DCLRE1A: variants seen among roughly 807,000 people sequenced by gnomAD.
DCLRE1A encodes the protein DNA cross-link repair 1A.
In DCLRE1A, 64 loss-of-function variants were observed where a neutral mutation model predicts 91.9. The observed-to-expected ratio is 0.70, with a 90% CI of 0.57 to 0.86. DCLRE1A has a LOEUF of 0.86. Among genes scored for constraint, DCLRE1A ranks in the 40% least tolerant of loss-of-function variants. The pLI is 0.00. For missense variants in DCLRE1A, 1,145 were observed against 1,213.3 expected (o/e 0.94, Z 0.84); for synonymous variants, 416 against 431.1 (o/e 0.96, Z 0.43).
chr10:113,849,831 G>C lies in DCLRE1A; in HGVS notation c.1274C>G (p.Ala425Gly). 6.2e-7 allele frequency: 1 copy of C among 1,614,024 alleles called. No individual in the cohort carries two copies. Among genetic ancestry groups the C allele is most frequent in the Non-Finnish European group, 8.5e-7 (1 of 1,180,014 alleles). The change falls in exon 2 of 9, where the codon GCA becomes GGA. Residue 425 changes from alanine (A) to glycine (G), a missense_variant. Transcript: ENST00000361384. Reference protein sequence around the residue: ...AGKLAASVHQATKAKPDEPEF... With the variant: ...AGKLAASVHQGTKAKPDEPEF... The stretch of plus-strand genomic sequence containing the variant: ...TGGCTCATCAGGTTTTGCTTTAGTT[G>C]CCTGATGAACAGAAGCAGCAAGCTT...
chr10:113,846,752 T>A (rs1177421319), intron 3 of DCLRE1A, among the ~76,000 whole-genome samples: 1 of 152,244 alleles, frequency 6.6e-6, no homozygotes, highest in Non-Finnish European at 1.5e-5. Context: ...TTATAACACC[T>A]AATACAATGT....
In DCLRE1A at chr10:113,837,046, A is replaced by C; in HGVS notation, c.2962+16T>G. The C allele has an allele frequency of 6.4e-7, 1 of 1,566,130 alleles. No homozygotes were observed. Among genetic ancestry groups the C allele is most frequent in the Admixed American group, 2.0e-5 (1 of 49,210 alleles). On this transcript the variant is annotated intron_variant, in intron 8 of 8. Coordinates refer to ENST00000361384, the MANE Select transcript of DCLRE1A (RefSeq NM_014881.5). ...ACATTATAAACACTAAAAGTGAGAAAATTTAATAACTATACCATATATTGA... is the reference window on the plus strand; with the variant it reads ...ACATTATAAACACTAAAAGTGAGAACATTTAATAACTATACCATATATTGA...
rs1245840127 is a variant in DCLRE1A at position 113,847,236 on chromosome 10, G to C, written c.2225C>G (p.Ser742Cys). The stretch of plus-strand genomic sequence containing the variant: ...ATAAACTGGAAATGTGAAGTGTTTA[G>C]ACAATCCAGCATAATGATCAGAATG... ...HFHSDHYAGLSKHFTFPVYCS... is the reference protein window; with the variant it reads ...HFHSDHYAGLCKHFTFPVYCS... The change falls in exon 3 of 9, where the codon TCT becomes TGT. Residue 742 changes from serine to cysteine, a missense_variant. By Grantham distance (112) the Ser-to-Cys change is moderately radical. Coordinates refer to ENST00000361384, the MANE Select transcript of DCLRE1A (RefSeq NM_014881.5). 2 of 1,613,352 alleles carry C rather than the reference G, an allele frequency of 1.2e-6. No homozygotes were observed. The highest frequency in any genetic ancestry group is 1.7e-6 in the Non-Finnish European group (2 of 1,179,540).
rs779545637 is a variant in DCLRE1A, at chr10:113,853,064, T to A, written c.119A>T (p.Asp40Val). Reference protein sequence around the residue: ...NILKSVEKATDGKYQSKRSRN... With the variant: ...NILKSVEKATVGKYQSKRSRN... ...ACTCCGTTTTGACTGGTATTTTCCA[T>A]CTGTTGCTTTTTCAACAGATTTTAG... The change falls in exon 1 of 9, where the codon GAT (aspartate) becomes GTT (valine). Residue 40 changes from aspartate to valine, a missense_variant. Transcript: ENST00000361384. The A allele has an allele frequency of 6.2e-7, 1 of 1,613,210 alleles. No individual in the cohort carries two copies. Among genetic ancestry groups the A allele is most frequent in the Non-Finnish European group, 8.5e-7 (1 of 1,179,862 alleles).
rs1298065268 is a variant in DCLRE1A, at chr10:113,849,021, C to T, written c.2084G>A (p.Gly695Glu). Reference sequence around the variant, plus strand: ...GAATGGACATGTCTTTTTTCTTGATCCTCCTACATTAGATGACTCTGGGAT... The same window carrying T: ...GAATGGACATGTCTTTTTTCTTGATTCTCCTACATTAGATGACTCTGGGAT... The part of the protein sequence containing the change: ...KKIPESSNVG[G>E]SRKKTCPFYK... Residue 695 changes from glycine (G) to glutamate (E), a missense_variant, in exon 2 of 9, where the codon GGA becomes GAA. Physicochemically the swap from Gly to Glu is moderately conservative, Grantham distance 98. Transcript: ENST00000361384. 1.2e-6 allele frequency: 2 copies of T among 1,611,174 alleles called. No homozygotes were observed. The highest frequency in any genetic ancestry group is 2.2e-5 in the East Asian group (1 of 44,852).
At position 113,853,599 on chromosome 10, in the gene DCLRE1A, G is replaced by A. The variant is rs1267504963; in HGVS notation, c.-417C>T. ...TTTGTAACATTGTTATGAAGCTACT[G>A]TCAGTTCTTTCAAGTGGACAACCGT... On this transcript the variant is annotated 5_prime_UTR_variant, in exon 1 of 9. Coordinates refer to ENST00000361384, the MANE Select transcript of DCLRE1A (RefSeq NM_014881.5). 1 of 157,488 alleles carries A rather than the reference G, an allele frequency of 6.3e-6. No homozygotes were observed. Among genetic ancestry groups the A allele is most frequent in the Non-Finnish European group, 1.4e-5 (1 of 72,000 alleles). 9.8% of individuals were successfully genotyped at this position (157,488 alleles called of 1,614,324 possible). A position where few individuals can be genotyped will look rare whatever the true frequency, so the allele number is the denominator to read the frequency against.
chr10:113,849,263 T>G lies in DCLRE1A; in HGVS notation c.1842A>C (p.Ala614=), dbSNP rs1273409686. ...EKSLSDLEFD[A]STLHESQLSV... ...AAAGCTGACTCTCATGTAAAGTACT[T>G]GCATCAAATTCTAAATCACTTAAAG... Residue 614 remains alanine, a synonymous_variant, in exon 2 of 9, where the codon GCA becomes GCC. Transcript: ENST00000361384. The G allele has an allele frequency of 6.2e-7, 1 of 1,614,188 alleles. No homozygotes were observed. The highest frequency in any genetic ancestry group is 1.1e-5 in the South Asian group (1 of 91,088).
chr10:113,843,031 C>T lies in DCLRE1A; in HGVS notation c.2520-543G>A, dbSNP rs1387829414. On this transcript the variant is annotated intron_variant, in intron 5 of 8. Coordinates refer to ENST00000361384, the MANE Select transcript of DCLRE1A (RefSeq NM_014881.5). ...ATATATATGTACATGTGTACACACA[C>T]ACACACACACACACACACACACACA... 4.9e-3 allele frequency among the ~76,000 whole-genome samples: 505 copies of T among 103,162 alleles called. 4 individuals are homozygous for T. The highest frequency in any genetic ancestry group is 0.019 in the African/African-American group (455 of 24,430). The allele number at this position is 103,162 out of a possible 152,430, so 67.7% of individuals were successfully genotyped here.
At position 113,852,971 on chromosome 10, in the gene DCLRE1A, C is replaced by A; in HGVS notation, c.212G>T (p.Gly71Val). 1.2e-6 allele frequency: 2 copies of A among 1,614,198 alleles called. No homozygotes were observed. Among genetic ancestry groups the A allele is most frequent in the Non-Finnish European group, 1.7e-6 (2 of 1,180,046 alleles). The change falls in exon 1 of 9, where the codon GGT becomes GTT. Residue 71 changes from glycine (G) to valine (V), a missense_variant. By Grantham distance (109) the Gly-to-Val change is moderately radical. Coordinates refer to ENST00000361384, the MANE Select transcript of DCLRE1A (RefSeq NM_014881.5). ...ACTAGAAGCAACAGAAGTCTGACAACCTGCATTTCCAAGGGGCACTTCATG... is the reference window on the plus strand; with the variant it reads ...ACTAGAAGCAACAGAAGTCTGACAAACTGCATTTCCAAGGGGCACTTCATG... The part of the protein sequence containing the change: ...KDHEVPLGNA[G>V]CQTSVASSQN...
chr10:113,834,944 A>T lies in DCLRE1A; in HGVS notation c.*208T>A. On this transcript the variant is annotated 3_prime_UTR_variant, in exon 9 of 9. Transcript: ENST00000361384. ...CAGGGGACAAGAAATTAAGGGTCCC[A>T]GGGAGACCCAGTTTCAGTTATCCTT... is the stretch of plus-strand genomic sequence containing the variant. The T allele has an allele frequency of 2.0e-6, 1 of 508,424 alleles. No homozygotes were observed. The highest frequency in any genetic ancestry group is 3.5e-5 in the East Asian group (1 of 28,488). 31.5% of individuals were successfully genotyped at this position (508,424 alleles called of 1,614,324 possible). A position where few individuals can be genotyped will look rare whatever the true frequency, so the allele number is the denominator to read the frequency against.
intron 8 of DCLRE1A, among the ~76,000 whole-genome samples, chr10:113,836,769 C>T (rs1278721765): frequency 6.6e-6 from 1 of 152,218 alleles, no homozygotes; most frequent in Admixed American, 6.5e-5. Flanking sequence ...GTCATCTATA[C>T]TTCCAGTATA....
In DCLRE1A at chr10:113,842,470, G is replaced by A. The variant is rs939457010; in HGVS notation, c.2538C>T (p.Tyr846=). ...YLDTTYCSPE[Y]TFPSQQEVIR... Reference sequence around the variant, plus strand: ...TAACCTCTTGCTGAGATGGAAAGGTGTATTCTGGGCTACAATATCTGTGGT... The same window carrying A: ...TAACCTCTTGCTGAGATGGAAAGGTATATTCTGGGCTACAATATCTGTGGT... The change falls in exon 6 of 9, where the codon TAC becomes TAT. Residue 846 remains tyrosine (Y), a synonymous_variant. Transcript: ENST00000361384. The A allele has an allele frequency of 1.2e-6, 2 of 1,613,574 alleles. No homozygotes were observed. Among genetic ancestry groups the A allele is most frequent in the Non-Finnish European group, 1.7e-6 (2 of 1,179,622 alleles).
At chr10:113,839,395 A>G (rs1845413167) in intron 7 of DCLRE1A, among the ~76,000 whole-genome samples, 1 of 151,438 alleles carries the variant, frequency 6.6e-6, no homozygotes, top group African/African-American at 2.4e-5. Flanking sequence ...CAGGGGAGGA[A>G]AAAAAACTTT....
chr10:113,845,776 G>A lies in DCLRE1A; in HGVS notation c.2287C>T (p.Leu763Phe). 4.3e-6 allele frequency: 7 copies of A among 1,614,128 alleles called. No homozygotes were observed. Among genetic ancestry groups the A allele is most frequent in the Non-Finnish European group, 5.1e-6 (6 of 1,180,008 alleles). Reference sequence around the variant, plus strand: ...TGAATATATTGTTCTTGCACATGAAGCTTGTTCTTCAACAAATTGCCAGTT... The same window carrying A: ...TGAATATATTGTTCTTGCACATGAAACTTGTTCTTCAACAAATTGCCAGTT... The part of the protein sequence containing the change: ...EITGNLLKNK[L>F]HVQEQYIHPL... The change falls in exon 4 of 9, where the codon CTT becomes TTT. Residue 763 changes from leucine (L) to phenylalanine (F), a missense_variant. Leu to Phe is a conservative substitution (Grantham distance 22, BLOSUM62 0). Transcript: ENST00000361384.
intron 1 of DCLRE1A, 93 bp from the exon 2 acceptor site, chr10:113,850,737 T>A: frequency 1.0e-6 from 1 of 979,166 alleles, no homozygotes; most frequent in South Asian, 2.0e-5. Context: ...CATTATTTAA[T>A]ATCCACATTG....
chr10:113,837,078 T>C lies in DCLRE1A; in HGVS notation c.2946A>G (p.Gly982=), dbSNP rs775274324. The change falls in exon 8 of 9, where the codon GGA becomes GGG. Residue 982 remains glycine (G), a synonymous_variant. Coordinates refer to ENST00000361384, the MANE Select transcript of DCLRE1A (RefSeq NM_014881.5). ...TAACTATACCATATATTGAAATGTT[T>C]CCTTTGGTCTGGGGAATAACATCTG... is the stretch of plus-strand genomic sequence containing the variant. ...RIADVIPQTK[G]NISIYGIPYS... 1 of 1,606,870 alleles carries C rather than the reference T, an allele frequency of 6.2e-7. No homozygotes were observed. Among genetic ancestry groups the C allele is most frequent in the South Asian group, 1.1e-5 (1 of 89,410 alleles).
rs1383908602 is a variant in DCLRE1A, at chr10:113,850,176, T to C, written c.929A>G (p.His310Arg). 1 of 1,614,070 alleles carries C rather than the reference T, an allele frequency of 6.2e-7. No individual in the cohort carries two copies. Among genetic ancestry groups the C allele is most frequent in the Non-Finnish European group, 8.5e-7 (1 of 1,180,032 alleles). ...ATCATCCGGTTTTTCATCGATATCA[T>C]GAGTGTCTTCATCACTTTGAAGTGG... Reference protein sequence around the residue: ...YSPLQSDEDTHDIDEKPDDSQ... With the variant: ...YSPLQSDEDTRDIDEKPDDSQ... The change falls in exon 2 of 9, where the codon CAT (histidine) becomes CGT (arginine). Residue 310 changes from histidine to arginine, a missense_variant. Physicochemically the swap from His to Arg is conservative, Grantham distance 29. Coordinates refer to ENST00000361384, the MANE Select transcript of DCLRE1A (RefSeq NM_014881.5).
Position 113,849,175 on chromosome 10 carries a change from G to A in DCLRE1A, c.1930C>T (p.Leu644=), listed in dbSNP as rs769015000. The A allele has an allele frequency of 6.2e-6, 10 of 1,614,026 alleles. No homozygotes were observed. In the East Asian group the frequency reaches 8.9e-5, roughly 14 times the overall value. ...QKKRCRKSNS[L]QEGACQKRSD... ...CTCTTCTGACACGCTCCTTCCTGCAGTGAATTTGACTTTCTACATCTCTTT... is the reference window on the plus strand; with the variant it reads ...CTCTTCTGACACGCTCCTTCCTGCAATGAATTTGACTTTCTACATCTCTTT... The change falls in exon 2 of 9, where the codon CTG becomes TTG. Residue 644 remains leucine (L), a synonymous_variant. Transcript: ENST00000361384.
Position 113,837,145 on chromosome 10 carries a change from C to A in DCLRE1A, c.2879G>T (p.Arg960Leu), listed in dbSNP as rs749060292. The A allele has an allele frequency of 1.2e-6, 2 of 1,613,294 alleles. No individual in the cohort carries two copies. The highest frequency in any genetic ancestry group is 1.7e-6 in the Non-Finnish European group (2 of 1,179,704). Reference protein sequence around the residue: ...GGKYNQILAFRPTGWTHSNKF... With the variant: ...GGKYNQILAFLPTGWTHSNKF... ...GTTAGAGTGTGTCCATCCTGTAGGT[C>A]GAAATGCCAAAATCTGATTGTATTT... Residue 960 changes from arginine to leucine, a missense_variant, in exon 8 of 9, where the codon CGA becomes CTA. Transcript: ENST00000361384.
Sources: gnomAD v4.1 joint callset for allele counts (sites outside exome capture counted in the v4.1 genomes callset) on GRCh38, gnomAD v4.1.1 for gene constraint, MANE v1.5 for transcripts, NCBI Gene and HGNC (gene_info 2026-07-23, HGNC 2026-07-21) for gene names.